RAB37: variants seen among roughly 807,000 people sequenced by gnomAD.
RAB37 encodes the protein ras-related protein Rab-37.
A neutral mutation model predicts 33.1 loss-of-function variants in RAB37; 29 were observed. The ratio of observed to expected loss-of-function variants is 0.88; its 90% CI spans 0.65 to 1.20. RAB37 has a LOEUF of 1.20. Among genes scored for constraint, RAB37 ranks in the 50% most tolerant of loss-of-function variants. The pLI, the probability that RAB37 is intolerant of heterozygous loss-of-function variation, is 0.00. For synonymous variants in RAB37, 128 were observed against 119.5 expected (o/e 1.07, Z -0.47); for missense variants, 299 against 301.1 (o/e 0.99, Z 0.05).
rs1417235082 is a variant in RAB37, at chr17:74,729,416, G to T, written c.183+50G>T. The T allele has an allele frequency of 1.5e-6, 2 of 1,317,644 alleles. No homozygotes were observed. Among genetic ancestry groups the T allele is most frequent in the Non-Finnish European group, 2.2e-6 (2 of 909,516 alleles). 81.6% of individuals were successfully genotyped at this position (1,317,644 alleles called of 1,614,324 possible). Reference sequence around the variant, plus strand: ...CTCTGGGCCTGGGCTCAGGACCCCAGCGTGTTTCTGTTGAGTGCCAGCAGG... The same window carrying T: ...CTCTGGGCCTGGGCTCAGGACCCCATCGTGTTTCTGTTGAGTGCCAGCAGG... On this transcript the variant is annotated intron_variant, in intron 2 of 7. Transcript: ENST00000340415. This position sits in a 1 kb window ranked among gnomAD's most constrained non-coding sequence, Gnocchi z 4.2.
chr17:74,703,127 G>A (rs2143743058), intron 1 of RAB37: 1 of 1,613,596 alleles, frequency 6.2e-7, no homozygotes, highest in Non-Finnish European at 8.5e-7. Flanking sequence ...TAGGCGTGGT[G>A]GGGGCAGGAG....
chr17:74,683,236 G>T (rs1037907926), intron 1 of RAB37, among the ~76,000 whole-genome samples: 1 of 152,198 alleles, frequency 6.6e-6, no homozygotes, highest in Admixed American at 6.5e-5. Context: ...TCCCTCTATG[G>T]GTGGGAGTAG....
rs1347950189 is a variant in RAB37, at chr17:74,742,813, G to A, written c.247-316G>A. Among the ~76,000 whole-genome samples the A allele has an allele frequency of 1.3e-5, 2 of 152,016 alleles. No individual in the cohort carries two copies. Among genetic ancestry groups the A allele is most frequent in the Non-Finnish European group, 2.9e-5 (2 of 68,006 alleles). On this transcript the variant is annotated intron_variant, in intron 3 of 8. Transcript: ENST00000392613. This position sits in a 1 kb window ranked among gnomAD's most constrained non-coding sequence, Gnocchi z 4.0. Reference sequence around the variant, plus strand: ...GCTAATTTTTTGTATTTTTAGTAGAGACGGGGTTTCACTGTGTTAGCCAGG... The same window carrying A: ...GCTAATTTTTTGTATTTTTAGTAGAAACGGGGTTTCACTGTGTTAGCCAGG...
intron 1 of RAB37, among the ~76,000 whole-genome samples, chr17:74,692,999 C>A (rs1454028647): frequency 6.6e-6 from 1 of 152,178 alleles, no homozygotes; most frequent in African/African-American, 2.4e-5. Context: ...CACCACACAG[C>A]CTAGTGGAGA....
upstream of RAB37, among the ~76,000 whole-genome samples, chr17:74,734,953 AAAG>A (rs1393860199): frequency 1.4e-5 from 2 of 141,270 alleles, no homozygotes; most frequent in Non-Finnish European, 3.0e-5. Context: ...AGAAAGAGAG[AAAG>A]AAGAAAGAAA....
At chr17:74,688,789 T>C (rs949758532) in intron 1 of RAB37, among the ~76,000 whole-genome samples, 6 of 152,152 alleles carry the variant, frequency 3.9e-5, no homozygotes, top group Non-Finnish European at 8.8e-5. Flanking sequence ...AGAAAGATTT[T>C]GCAATCAGGT....
Position 74,730,619 on chromosome 17 carries a change from G to A in RAB37, c.183+1253G>A, listed in dbSNP as rs1184891186. Among the ~76,000 whole-genome samples, 1 of 152,134 alleles carries A rather than the reference G, an allele frequency of 6.6e-6. No individual in the cohort carries two copies. The highest frequency in any genetic ancestry group is 1.5e-5 in the Non-Finnish European group (1 of 68,020). On this transcript the variant is annotated intron_variant, in intron 2 of 7. Transcript: ENST00000340415. This position sits in a 1 kb window ranked among gnomAD's most constrained non-coding sequence, Gnocchi z 4.4. ...GCTACCTGGCAATCCCTGAGGTCTGGGACCAGGCTGCCATGAAGCAAACCA... is the reference window on the plus strand; with the variant it reads ...GCTACCTGGCAATCCCTGAGGTCTGAGACCAGGCTGCCATGAAGCAAACCA...
intron 1 of RAB37, among the ~76,000 whole-genome samples, chr17:74,718,011 A>G (rs2034188706): frequency 6.6e-6 from 1 of 151,226 alleles, no homozygotes; most frequent in Non-Finnish European, 1.5e-5. Context: ...AAACCACACA[A>G]TCAGCAGGGC....
intron 1 of RAB37, chr17:74,677,433 G>A (rs1473358254): frequency 6.6e-6 from 1 of 151,976 alleles, no homozygotes; most frequent in African/African-American, 2.4e-5. Context: ...TAATGATAAT[G>A]GTATGCAAAT....
chr17:74,732,293 A>G (rs368527688), upstream of RAB37, among the ~76,000 whole-genome samples: 5 of 152,218 alleles, frequency 3.3e-5, no homozygotes, highest in African/African-American at 1.2e-4. Flanking sequence ...CAGGGGGTCC[A>G]TGCGCCACAT....
chr17:74,743,162 A>G lies in RAB37; in HGVS notation c.280A>G (p.Ser94Gly), dbSNP rs1309701458. 1.2e-6 allele frequency: 2 copies of G among 1,613,546 alleles called. No homozygotes were observed. The highest frequency in any genetic ancestry group is 1.7e-6 in the Non-Finnish European group (2 of 1,179,768). Residue 94 changes from serine (S) to glycine (G), a missense_variant, in exon 4 of 9, where the codon AGC becomes GGC. Ser to Gly is a moderately conservative substitution (Grantham distance 56). Transcript: ENST00000392613. ...WDTAGQERFR[S>G]VTHAYYRDAQ... is the part of the protein sequence containing the mutation. ...CACCGCTGGGCAGGAACGGTTCCGA[A>G]GCGTCACCCATGCTTATTACAGAGA...
rs1182254894 is a variant in RAB37, at chr17:74,744,350, G to A, written c.409G>A (p.Val137Met). Residue 137 changes from valine to methionine, a missense_variant, in exon 6 of 9, where the codon GTG becomes ATG. Transcript: ENST00000392613. The surrounding 1 kb of genome is among the most constrained non-coding windows in gnomAD (Gnocchi z 4.2). ...TCATGAGTATGCCCAGAGGGACGTG[G>A]TGATCATGCTGCTAGGCAACAAGGT... ...EIHEYAQRDV[V>M]IMLLGNKADM... 5 of 1,614,162 alleles carry A rather than the reference G, an allele frequency of 3.1e-6. No individual in the cohort carries two copies. The highest frequency in any genetic ancestry group is 1.7e-5 in the Admixed American group (1 of 60,024).
chr17:74,686,573 T>A (rs1426734793), intron 1 of RAB37, among the ~76,000 whole-genome samples: 3 of 152,062 alleles, frequency 2.0e-5, no homozygotes, highest in Non-Finnish European at 4.4e-5. Flanking sequence ...GTATTTTTTT[T>A]AGTAGATACG....
intron 1 of RAB37, among the ~76,000 whole-genome samples, chr17:74,720,460 G>A (rs901419140): frequency 3.9e-5 from 6 of 151,922 alleles, no homozygotes; most frequent in South Asian, 2.1e-4. Context: ...GTGTGGTGGC[G>A]GGTGCCTATA....
intron 1 of RAB37, among the ~76,000 whole-genome samples, chr17:74,712,038 A>G (rs181160553): frequency 1.3e-3 from 194 of 150,310 alleles, no homozygotes; most frequent in Non-Finnish European, 1.4e-3. Context: ...CAGCCTCCCA[A>G]GTAGCTGGGA....
upstream of RAB37, chr17:74,737,135 C>T (rs375857097): frequency 2.7e-6 from 4 of 1,503,956 alleles, no homozygotes; most frequent in Non-Finnish European, 3.6e-6. Context: ...CCGGTGTCGT[C>T]GAGGGGGCGA....
At chr17:74,734,652 T>C (rs938970943), upstream of RAB37, among the ~76,000 whole-genome samples, 20 of 152,112 alleles carry the variant, frequency 1.3e-4, no homozygotes, top group Non-Finnish European at 1.9e-4. Context: ...AAGACCAGCC[T>C]GGCCAACATG....
At chr17:74,739,827 G>A (rs765305275) in intron 1 of RAB37, among the ~76,000 whole-genome samples, 166 of 151,822 alleles carry the variant, frequency 1.1e-3, no homozygotes, top group Non-Finnish European at 1.9e-3. Flanking sequence ...TACTGCACCC[G>A]GCCTCATGCA....
chr17:74,706,456 T>G (rs1466738229), intron 1 of RAB37, among the ~76,000 whole-genome samples: 1 of 150,696 alleles, frequency 6.6e-6, no homozygotes, highest in Non-Finnish European at 1.5e-5. Context: ...CAACATGAGG[T>G]TGGGAGTTCG....
Sources: allele counts gnomAD v4.1 joint callset (sites outside exome capture counted in the v4.1 genomes callset), GRCh38; gene constraint gnomAD v4.1.1; non-coding constraint Gnocchi (gnomAD v3.1); transcripts MANE v1.5; gene names NCBI Gene and HGNC (gene_info 2026-07-23, HGNC 2026-07-21).